The following GPC5 variants were observed in gnomAD, a reference collection of about 807,000 sequenced individuals.
GPC5 encodes the protein glypican-5.
A neutral mutation model predicts 53.9 loss-of-function variants in GPC5; 47 were observed. The ratio of observed to expected loss-of-function variants is 0.87; its 90% CI spans 0.69 to 1.11. The LOEUF is 1.11. Among genes scored for constraint, GPC5 ranks in the 50% most tolerant of loss-of-function variants. The pLI, the probability that GPC5 is intolerant of heterozygous loss-of-function variation, is 0.00. For missense variants in GPC5, 748 were observed against 713.1 expected, an observed-to-expected ratio of 1.05 and a Z score of -0.56; for synonymous variants, 286 against 263.3, an observed-to-expected ratio of 1.09 and a Z score of -0.84.
At chr13:91,694,699 C>T (rs950742355) in intron 3 of GPC5, among the ~76,000 whole-genome samples, 15 of 152,212 alleles carry the variant, frequency 9.9e-5, no homozygotes, top group African/African-American at 3.4e-4. Context: ...AAATTATACT[C>T]TCCAGTGCCA....
chr13:91,712,402 GTA>G (rs558385624), intron 3 of GPC5, among the ~76,000 whole-genome samples: 9 of 151,284 alleles, frequency 5.9e-5, no homozygotes, highest in Admixed American at 2.0e-4. Flanking sequence ...GTGTGTGTGT[GTA>G]TATATATATA....
At chr13:92,618,489 G>T (rs537931490) in intron 7 of GPC5, among the ~76,000 whole-genome samples, 1 of 152,044 alleles carries the variant, frequency 6.6e-6, no homozygotes, top group East Asian at 1.9e-4. Flanking sequence ...AGATACACCT[G>T]TGATTAAAAA....
chr13:91,991,376 A>G (rs2040455079), intron 6 of GPC5, among the ~76,000 whole-genome samples: 4 of 152,222 alleles, frequency 2.6e-5, no homozygotes, highest in African/African-American at 7.2e-5. Context: ...TATATTTCAT[A>G]ATGCTCAGTA....
chr13:92,467,090 A>T (rs1057139057), intron 7 of GPC5, among the ~76,000 whole-genome samples: 1 of 152,120 alleles, frequency 6.6e-6, no homozygotes, highest in African/African-American at 2.4e-5. Flanking sequence ...ATCTGTCAAT[A>T]ATGCTTTGTG....
chr13:91,735,832 A>G (rs1211861646), intron 4 of GPC5, among the ~76,000 whole-genome samples: 1 of 151,428 alleles, frequency 6.6e-6, no homozygotes, highest in South Asian at 2.1e-4. Context: ...ACTTGCTTAT[A>G]CCCAGAGGAG....
At chr13:91,688,797 ATACTT>A in intron 2 of GPC5, among the ~76,000 whole-genome samples, 1 of 152,078 alleles carries the variant, frequency 6.6e-6, no homozygotes. Context: ...ACATGTTACT[ATACTT>A]AATACTCTAG....
intron 7 of GPC5, among the ~76,000 whole-genome samples, chr13:92,524,922 T>C (rs1247361619): frequency 6.6e-6 from 1 of 152,120 alleles, no homozygotes; most frequent in Admixed American, 6.6e-5. Context: ...ATTGTAAGCC[T>C]TTTAAAGCCC....
intron 6 of GPC5, among the ~76,000 whole-genome samples, chr13:91,933,606 C>G (rs190989545): frequency 6.6e-6 from 1 of 151,896 alleles, no homozygotes; most frequent in African/African-American, 2.4e-5. Context: ...ATATGCCACA[C>G]GTCCAAGTTT....
chr13:92,631,803 A>G (rs1326609362), intron 7 of GPC5, among the ~76,000 whole-genome samples: 1 of 152,214 alleles, frequency 6.6e-6, no homozygotes, highest in African/African-American at 2.4e-5. Context: ...CATGCGATGT[A>G]TCACAGCCAA....
intron 7 of GPC5, among the ~76,000 whole-genome samples, chr13:92,695,003 G>A (rs572211722): frequency 1.5e-4 from 23 of 152,174 alleles, no homozygotes; most frequent in African/African-American, 4.3e-4. Context: ...CAGTTCCTAC[G>A]TCACTCTCTC....
intron 2 of GPC5, among the ~76,000 whole-genome samples, chr13:91,620,572 C>T (rs745967194): frequency 6.6e-6 from 1 of 152,112 alleles, no homozygotes; most frequent in Non-Finnish European, 1.5e-5. Context: ...TTCATTTGTT[C>T]ACATTGTCAT....
intron 6 of GPC5, among the ~76,000 whole-genome samples, chr13:91,968,461 T>G (rs1406239682): frequency 6.6e-6 from 1 of 152,148 alleles, no homozygotes; most frequent in Admixed American, 6.5e-5. Context: ...ATGCTTCTTT[T>G]TTTTTCTTTT....
At chr13:91,620,719 C>A (rs1054005946) in intron 2 of GPC5, among the ~76,000 whole-genome samples, 1 of 152,100 alleles carries the variant, frequency 6.6e-6, no homozygotes, top group African/African-American at 2.4e-5. Context: ...TGCTAGTGAG[C>A]CTGTTATTTG....
rs552376151 is a variant in GPC5 at position 92,019,301 on chromosome 13, T to C, written c.1401+111244T>C. Among the ~76,000 whole-genome samples, 4 of 152,170 alleles carry C rather than the reference T, an allele frequency of 2.6e-5. No individual in the cohort carries two copies. In the East Asian group the frequency reaches 5.8e-4, roughly 22 times the overall value. ...ATATCCATATTTCTGAACGTTTTAC[T>C]ATTATCTGTCTATAAATAAGTTCCA... On this transcript the variant is annotated intron_variant, in intron 6 of 7. Coordinates refer to ENST00000377067, the MANE Select transcript of GPC5 (RefSeq NM_004466.6).
chr13:91,418,055 C>G (rs12429392), intron 1 of GPC5, among the ~76,000 whole-genome samples: 1 of 152,092 alleles, frequency 6.6e-6, no homozygotes, highest in East Asian at 1.9e-4. Flanking sequence ...TCCATCCTGC[C>G]TGGGACATGA....
chr13:92,415,322 G>A (rs1011686129), intron 7 of GPC5, among the ~76,000 whole-genome samples: 1 of 152,206 alleles, frequency 6.6e-6, no homozygotes, highest in African/African-American at 2.4e-5. Context: ...AGACCAGTTA[G>A]AAAATAATTA....
At chr13:92,457,805 TCTCTC>T (rs1878329488) in intron 7 of GPC5, among the ~76,000 whole-genome samples, 1 of 152,174 alleles carries the variant, frequency 6.6e-6, no homozygotes, top group Non-Finnish European at 1.5e-5. Context: ...CTGCCATACA[TCTCTC>T]CTCTCATCTC....
At chr13:92,211,152 C>T (rs537098462) in intron 7 of GPC5, among the ~76,000 whole-genome samples, 7 of 151,984 alleles carry the variant, frequency 4.6e-5, no homozygotes, top group Non-Finnish European at 7.4e-5. Context: ...AGGAAAAGCA[C>T]TTGAAAATGG....
intron 7 of GPC5, among the ~76,000 whole-genome samples, chr13:92,257,641 C>T (rs112343192): frequency 0.043 from 6,257 of 147,148 alleles, 465 homozygotes; most frequent in African/African-American, 0.15. Context: ...ACCTCCGCCT[C>T]CTGGGTTCAA....
Sources: gnomAD v4.1 joint callset for allele counts (sites outside exome capture counted in the v4.1 genomes callset) on GRCh38, gnomAD v4.1.1 for gene constraint, MANE v1.5 for transcripts, NCBI Gene and HGNC (gene_info 2026-07-23, HGNC 2026-07-21) for gene names.